The following RBM47 variants were observed in gnomAD, a reference collection of about 807,000 sequenced individuals.
The protein encoded by RBM47 is RNA-binding protein 47.
RBM47 carries 21 observed loss-of-function variants against 47.1 expected under a neutral mutation model. The ratio of observed to expected loss-of-function variants is 0.45; its 90% CI spans 0.32 to 0.64. The LOEUF (loss-of-function observed/expected upper bound fraction) is 0.64. Among genes scored for constraint, RBM47 ranks in the 30% least tolerant of loss-of-function variants. RBM47 has a pLI of 0.05. For missense variants in RBM47, 708 were observed against 870.9 expected (o/e 0.81, Z 2.35); for synonymous variants, 375 against 361.7 (o/e 1.04, Z -0.42).
rs1732848923 is a variant in RBM47 at position 40,581,014 on chromosome 4, T to C, written c.-239-36508A>G. Among the ~76,000 whole-genome samples the C allele has an allele frequency of 2.0e-5, 3 of 152,166 alleles. No individual in the cohort carries two copies. The South Asian group carries it at 6.2e-4, about 32-fold the overall frequency. On this transcript the variant is annotated intron_variant, in intron 1 of 6. Transcript: ENST00000295971. ...CTTTAATTCCAGGAACAAGAATCTGTGGCTGGAATCTGGTAATGGAGGCAG... is the reference window on the plus strand; with the variant it reads ...CTTTAATTCCAGGAACAAGAATCTGCGGCTGGAATCTGGTAATGGAGGCAG...
At chr4:40,603,525 T>C (rs577966449) in intron 1 of RBM47, among the ~76,000 whole-genome samples, 9 of 152,206 alleles carry the variant, frequency 5.9e-5, no homozygotes, top group South Asian at 2.1e-4. Context: ...TGACTCCTCT[T>C]TGGCACTAGG....
rs569872614 is a variant in RBM47, at chr4:40,569,502, C to T, written c.-239-24996G>A. Among the ~76,000 whole-genome samples the T allele has an allele frequency of 2.0e-3, 309 of 151,194 alleles. 3 individuals carry two copies. Among genetic ancestry groups the T allele is most frequent in the African/African-American group, 7.0e-3 (287 of 41,226 alleles). On this transcript the variant is annotated intron_variant, in intron 1 of 6. Coordinates refer to ENST00000295971, the MANE Select transcript of RBM47 (RefSeq NM_001098634.2). ...TCAGTTCACTGCAATCTCCGCCTCCCGGGTTCACACCATTCTCCTGCCTCA... is the reference window on the plus strand; with the variant it reads ...TCAGTTCACTGCAATCTCCGCCTCCTGGGTTCACACCATTCTCCTGCCTCA...
In RBM47 at chr4:40,437,940, G is replaced by T; in HGVS notation, c.954C>A (p.Pro318=). 1 of 1,613,604 alleles carries T rather than the reference G, an allele frequency of 6.2e-7. No individual in the cohort carries two copies. Among genetic ancestry groups the T allele is most frequent in the Non-Finnish European group, 8.5e-7 (1 of 1,179,974 alleles). Residue 318 remains proline, a synonymous_variant, in exon 4 of 7, where the codon CCC becomes CCA. Transcript: ENST00000295971. ...AGCGCGAGTACTGCTCCTTGTCCAC[G>T]GGCTTGGCCAGCGTGACCTCCAGGC... ...GSCLEVTLAK[P]VDKEQYSRYQ...
chr4:40,629,179 A>C (rs1303443265), intron 1 of RBM47, among the ~76,000 whole-genome samples: 1 of 152,206 alleles, frequency 6.6e-6, no homozygotes, highest in East Asian at 1.9e-4. Context: ...GACTGACTGT[A>C]TATGATTATC....
At position 40,438,572 on chromosome 4, in the gene RBM47, C is replaced by T. The variant is rs748051934; in HGVS notation, c.322G>A (p.Gly108Ser). 1.2e-6 allele frequency: 2 copies of T among 1,613,950 alleles called. No homozygotes were observed. Among genetic ancestry groups the T allele is most frequent in the South Asian group, 1.1e-5 (1 of 91,086 alleles). The change falls in exon 4 of 7, where the codon GGC becomes AGC. Residue 108 changes from glycine to serine, a missense_variant. Gly to Ser is a moderately conservative substitution (Grantham distance 56). Coordinates refer to ENST00000295971, the MANE Select transcript of RBM47 (RefSeq NM_001098634.2). ...YELRLMMDFD[G>S]KNRGYAFVMY... ...ACGAAGGCGTAGCCGCGGTTCTTGC[C>T]GTCAAAGTCCATCATGAGGCGCAGC...
At chr4:40,589,580 G>A (rs1397915983) in intron 1 of RBM47, among the ~76,000 whole-genome samples, 1 of 151,998 alleles carries the variant, frequency 6.6e-6, no homozygotes, top group Non-Finnish European at 1.5e-5. Flanking sequence ...GGGATTACGA[G>A]CACACACCAC....
At chr4:40,507,487 A>G (rs1724269599) in intron 2 of RBM47, among the ~76,000 whole-genome samples, 1 of 152,202 alleles carries the variant, frequency 6.6e-6, no homozygotes, top group Admixed American at 6.5e-5. Context: ...ATAAGCAAAA[A>G]TTTAAAATTC....
chr4:40,431,526 C>G (rs565711008), intron 6 of RBM47, among the ~76,000 whole-genome samples: 1 of 151,886 alleles, frequency 6.6e-6, no homozygotes, highest in Admixed American at 6.6e-5. Context: ...GGCATGGTGG[C>G]GTGCGCCTGT....
intron 1 of RBM47, among the ~76,000 whole-genome samples, chr4:40,575,483 C>G (rs897169275): frequency 7.0e-6 from 1 of 142,776 alleles, no homozygotes; most frequent in African/African-American, 2.6e-5. Flanking sequence ...ACCTGGGAGG[C>G]AGCGGTTGCG....
chr4:40,432,552 G>C, intron 6 of RBM47, 99 bp downstream of exon 6: 1 of 1,556,520 alleles, frequency 6.4e-7, no homozygotes, highest in South Asian at 1.2e-5. Flanking sequence ...GTAACAGAGA[G>C]CCAGGCACAC....
Position 40,436,489 on chromosome 4 carries a change from T to G in RBM47, c.1282A>C (p.Asn428His), listed in dbSNP as rs766066272. 1.5e-5 allele frequency: 24 copies of G among 1,614,050 alleles called. No individual in the cohort carries two copies. In the East Asian group the frequency reaches 5.1e-4, roughly 34 times the overall value. ...QQEKGYELVP[N>H]LEIPTVNPVA... ...GGGTTGACGGTAGGGATTTCCAAAT[T>G]CGGCACCAGTTCATATCCTTTTTCT... The change falls in exon 5 of 7, where the codon AAT becomes CAT. Residue 428 changes from asparagine (N) to histidine (H), a missense_variant. By Grantham distance (68) the Asn-to-His change is moderately conservative (BLOSUM62 1). Coordinates refer to ENST00000295971, the MANE Select transcript of RBM47 (RefSeq NM_001098634.2).
intron 3 of RBM47, among the ~76,000 whole-genome samples, chr4:40,443,453 T>C (rs1447778118): frequency 1.3e-5 from 2 of 151,904 alleles, no homozygotes; most frequent in South Asian, 2.1e-4. Flanking sequence ...CACAGTGGCT[T>C]ACACCTGTAA....
chr4:40,518,933 A>G (rs533094934), intron 2 of RBM47, among the ~76,000 whole-genome samples: 5 of 152,156 alleles, frequency 3.3e-5, no homozygotes, highest in Admixed American at 6.6e-5. Flanking sequence ...GGTGGCTCAC[A>G]CCGGTAGTCC....
At chr4:40,586,743 A>G (rs138988414) in intron 1 of RBM47, among the ~76,000 whole-genome samples, 1 of 151,908 alleles carries the variant, frequency 6.6e-6, no homozygotes, top group Non-Finnish European at 1.5e-5. Flanking sequence ...TGAAGAAGGC[A>G]AAGACCCCAC....
chr4:40,457,618 A>G (rs2154222091), intron 3 of RBM47, among the ~76,000 whole-genome samples: 1 of 152,020 alleles, frequency 6.6e-6, no homozygotes. Flanking sequence ...TATTTTTAGT[A>G]CAGACAGGGT....
At chr4:40,462,647 C>A (rs148865086) in intron 3 of RBM47, among the ~76,000 whole-genome samples, 1 of 152,012 alleles carries the variant, frequency 6.6e-6, no homozygotes. Flanking sequence ...TAAGCCTATA[C>A]GAGGAAGAAA....
chr4:40,597,393 T>C (rs1423105422), intron 1 of RBM47, among the ~76,000 whole-genome samples: 1 of 152,110 alleles, frequency 6.6e-6, no homozygotes, highest in Non-Finnish European at 1.5e-5. Context: ...ATCAGGAGTG[T>C]GAGACCAGCC....
intron 2 of RBM47, among the ~76,000 whole-genome samples, chr4:40,512,779 C>A (rs1349837793): frequency 6.6e-6 from 1 of 151,410 alleles, no homozygotes; most frequent in East Asian, 1.9e-4. Flanking sequence ...AAAAAGTGTG[C>A]TTTTAATGCA....
chr4:40,604,387 G>A (rs1354390119), intron 1 of RBM47, among the ~76,000 whole-genome samples: 2 of 152,198 alleles, frequency 1.3e-5, no homozygotes, highest in Non-Finnish European at 2.9e-5. Context: ...CACTTTGGGA[G>A]GCTAAGGCAG....
Sources: gnomAD v4.1 joint callset for allele counts (sites outside exome capture counted in the v4.1 genomes callset) on GRCh38, gnomAD v4.1.1 for gene constraint, MANE v1.5 for transcripts, NCBI Gene and HGNC (gene_info 2026-07-23, HGNC 2026-07-21) for gene names.